PALS1: variants seen among roughly 807,000 people sequenced by gnomAD.
PALS1 encodes the protein protein associated with LIN7 1, MAGUK p55 family member.
A neutral mutation model predicts 78.9 loss-of-function variants in PALS1; 31 were observed. That is an observed-to-expected ratio of 0.39 (90% CI 0.30 to 0.53). PALS1 has a LOEUF of 0.53. Ranked by LOEUF, PALS1 falls within the 20% of genes least tolerant of loss-of-function variation. The probability of loss-of-function intolerance (pLI) is 0.67; values close to 1 mark genes in which losing one functional copy is unlikely to be tolerated. For synonymous variants in PALS1, 276 were observed against 270.9 expected (o/e 1.02, Z -0.18); for missense variants, 704 against 826.5 (o/e 0.85, Z 1.82).
chr14:67,315,422 G>A (rs1208312395), intron 9 of PALS1, among the ~76,000 whole-genome samples: 4 of 151,594 alleles, frequency 2.6e-5, no homozygotes, highest in African/African-American at 9.7e-5. Flanking sequence ...GACTACAGGT[G>A]CCCACCACCA....
At chr14:67,306,968 T>G (rs974240561) in intron 8 of PALS1, among the ~76,000 whole-genome samples, 1 of 152,242 alleles carries the variant, frequency 6.6e-6, no homozygotes, top group African/African-American at 2.4e-5. Context: ...GTTAGAAATG[T>G]GTTTAAGACA....
At chr14:67,253,587 G>GT (rs1309825164) in intron 1 of PALS1, among the ~76,000 whole-genome samples, 3 of 152,202 alleles carry the variant, frequency 2.0e-5, no homozygotes, top group African/African-American at 7.2e-5. Context: ...GCTTATGCCT[G>GT]TAATCCCAGC....
chr14:67,297,850 A>G (rs1415061464), intron 4 of PALS1, among the ~76,000 whole-genome samples: 1 of 152,222 alleles, frequency 6.6e-6, no homozygotes, highest in Non-Finnish European at 1.5e-5. Context: ...ATAAGATACA[A>G]TTCTATCTTC....
intron 4 of PALS1, among the ~76,000 whole-genome samples, chr14:67,296,183 A>G (rs2084845344): frequency 6.6e-6 from 1 of 152,192 alleles, no homozygotes; most frequent in South Asian, 2.1e-4. Flanking sequence ...GACTGAGAAT[A>G]TACCAGGAAG....
intron 14 of PALS1, among the ~76,000 whole-genome samples, chr14:67,331,987 A>T (rs556010486): frequency 2.0e-5 from 3 of 152,334 alleles, no homozygotes; most frequent in African/African-American, 7.2e-5. Context: ...CATATTTTTA[A>T]TATGTTTTCT....
chr14:67,312,530 C>G lies in PALS1; in HGVS notation c.1045C>G (p.His349Asp). 1 of 1,559,016 alleles carries G rather than the reference C, an allele frequency of 6.4e-7. No individual in the cohort carries two copies. Among genetic ancestry groups the G allele is most frequent in the Non-Finnish European group, 8.7e-7 (1 of 1,151,106 alleles). Residue 349 changes from histidine (H) to aspartate (D), a missense_variant, in exon 9 of 15, where the codon CAT (histidine) becomes GAT (aspartate). Transcript: ENST00000261681. ...KPPPAKETVI[H>D]VKAHFDYDPS... ...TTTTGCCCTTTTTATCTTTTAGATC[C>G]ATGTAAAAGCTCATTTTGACTATGA...
At chr14:67,301,647 A>G (rs2084934094) in intron 5 of PALS1, among the ~76,000 whole-genome samples, 181 bp downstream of exon 5, 1 of 152,216 alleles carries the variant, frequency 6.6e-6, no homozygotes. Flanking sequence ...AAAATGAACC[A>G]AATTATTTTT....
chr14:67,286,671 C>A (rs910683686), intron 3 of PALS1, among the ~76,000 whole-genome samples: 1 of 149,678 alleles, frequency 6.7e-6, no homozygotes, highest in African/African-American at 2.5e-5. Context: ...GCCTGGGCAA[C>A]CTGGTGAAAC....
intron 3 of PALS1, among the ~76,000 whole-genome samples, chr14:67,288,501 T>C (rs1230617291): frequency 1.3e-5 from 2 of 152,188 alleles, no homozygotes; most frequent in Admixed American, 1.3e-4. Context: ...AGACTCCATC[T>C]TTACGAAGAA....
At chr14:67,272,951 GGC>G (rs2084431773) in intron 2 of PALS1, among the ~76,000 whole-genome samples, 1 of 152,118 alleles carries the variant, frequency 6.6e-6, no homozygotes, top group Admixed American at 6.6e-5. Flanking sequence ...TGGAATTACA[GGC>G]GTGAGCCACC....
chr14:67,244,293 TTGA>T (rs1310222390), intron 1 of PALS1, among the ~76,000 whole-genome samples: 8 of 152,208 alleles, frequency 5.3e-5, no homozygotes, highest in Admixed American at 2.6e-4. Flanking sequence ...TGATAATAGG[TTGA>T]TATGTGTTTT....
chr14:67,321,907 C>T (rs149032554), intron 13 of PALS1, among the ~76,000 whole-genome samples: 22 of 151,926 alleles, frequency 1.4e-4, no homozygotes, highest in South Asian at 1.0e-3. Context: ...TTTCTGATTC[C>T]GATATGAGAA....
intron 8 of PALS1, among the ~76,000 whole-genome samples, chr14:67,310,761 A>G (rs1398924686): frequency 6.6e-6 from 1 of 152,200 alleles, no homozygotes; most frequent in East Asian, 1.9e-4. Context: ...AGAAGTTAAT[A>G]AAATATTCTT....
At chr14:67,326,000 T>G (rs1384677008) in intron 14 of PALS1, among the ~76,000 whole-genome samples, 2 of 136,092 alleles carry the variant, frequency 1.5e-5, no homozygotes, top group Non-Finnish European at 3.1e-5. Flanking sequence ...TTTTTTTTTG[T>G]ATTTTTAGTA....
intron 3 of PALS1, among the ~76,000 whole-genome samples, chr14:67,292,268 G>A (rs561840173): frequency 6.6e-6 from 1 of 152,140 alleles, no homozygotes; most frequent in South Asian, 2.1e-4. Flanking sequence ...TTTTTATATT[G>A]AATGTGTATT....
chr14:67,281,015 T>C (rs1427598089), intron 3 of PALS1, among the ~76,000 whole-genome samples: 1 of 151,704 alleles, frequency 6.6e-6, no homozygotes, highest in Non-Finnish European at 1.5e-5. Context: ...TCTCCTGCCT[T>C]AGCCTCCCGA....
intron 1 of PALS1, among the ~76,000 whole-genome samples, chr14:67,266,778 C>T (rs897321351): frequency 5.3e-5 from 8 of 152,036 alleles, no homozygotes; most frequent in African/African-American, 1.2e-4. Context: ...TGTCAGTATA[C>T]GACTTGTTTT....
intron 2 of PALS1, among the ~76,000 whole-genome samples, chr14:67,277,222 A>G (rs2084520572): frequency 6.6e-6 from 1 of 152,202 alleles, no homozygotes; most frequent in African/African-American, 2.4e-5. Context: ...AGGCAGTCTA[A>G]TGGTAAATAA....
At chr14:67,263,464 ATC>A (rs1430292958) in intron 1 of PALS1, among the ~76,000 whole-genome samples, 5 of 152,374 alleles carry the variant, frequency 3.3e-5, no homozygotes, top group Non-Finnish European at 7.3e-5. Flanking sequence ...TTAAAAGAGA[ATC>A]TCTATGAACA....
Sources: gnomAD v4.1 joint callset for allele counts (sites outside exome capture counted in the v4.1 genomes callset) on GRCh38, gnomAD v4.1.1 for gene constraint, MANE v1.5 for transcripts, NCBI Gene and HGNC (gene_info 2026-07-23, HGNC 2026-07-21) for gene names.